The following TIMP2 variants were observed in gnomAD, a reference collection of about 807,000 sequenced individuals.
The protein encoded by TIMP2 is metalloproteinase inhibitor 2.
TIMP2 carries 5 observed loss-of-function variants against 24.3 expected under a neutral mutation model. The observed-to-expected ratio is 0.21, with a 90% CI of 0.11 to 0.43. The LOEUF (loss-of-function observed/expected upper bound fraction) is 0.43. Among genes scored for constraint, TIMP2 ranks in the 20% least tolerant of loss-of-function variants. The pLI is 1.00. For synonymous variants in TIMP2, 130 were observed against 123.2 expected (o/e 1.06, Z -0.37); for missense variants, 221 against 297.5 (o/e 0.74, Z 1.89).
chr17:78,880,322 A>C (rs1478079100), intron 1 of TIMP2, among the ~76,000 whole-genome samples: 1 of 152,118 alleles, frequency 6.6e-6, no homozygotes, highest in Non-Finnish European at 1.5e-5. Context: ...CAGAAGTACT[A>C]TGGAAGTTCC....
At chr17:78,859,000 T>C (rs2145745191) in intron 3 of TIMP2, among the ~76,000 whole-genome samples, 2 of 152,334 alleles carry the variant, frequency 1.3e-5, no homozygotes, top group East Asian at 1.9e-4. Context: ...TCTATGTGCA[T>C]CTTCACACAT....
At chr17:78,899,211 C>T (rs948170580) in intron 1 of TIMP2, 3 of 152,624 alleles carry the variant, frequency 2.0e-5, no homozygotes, top group African/African-American at 7.2e-5. Flanking sequence ...GCTCTGCCTT[C>T]CTCCCCTGCC....
intron 1 of TIMP2, among the ~76,000 whole-genome samples, chr17:78,875,258 T>C (rs2069719176): frequency 6.6e-6 from 1 of 152,018 alleles, no homozygotes; most frequent in Non-Finnish European, 1.5e-5. Flanking sequence ...AAAGGAGACA[T>C]CGGCAGGCAC....
intron 1 of TIMP2, among the ~76,000 whole-genome samples, chr17:78,914,255 CTATTCATTTATTTATTTATTTATTTATT>C (rs2070234695): frequency 1.9e-5 from 2 of 106,554 alleles, no homozygotes; most frequent in Non-Finnish European, 4.2e-5. Context: ...GAAATTTTGG[CTATTCATTTATTTATTTATTTATTTATT>C]TATTTATTTA....
rs542683740 is a variant in TIMP2, at chr17:78,893,200, GATGTGTGTGCATGT to G, written c.131-19295_131-19282del. ...ATGTGTGTGCAGGGGTGTGTGCAAG[GATGTGTGTGCATGT>G]GTGTGCAGGGGTGTGTGTGCATGTG... On this transcript the variant is annotated intron_variant, in intron 1 of 4. Transcript: ENST00000262768. Among the ~76,000 whole-genome samples the G allele has an allele frequency of 5.9e-3, 781 of 131,956 alleles. 6 individuals are homozygous for G. Among genetic ancestry groups the G allele is most frequent in the African/African-American group, 0.021 (720 of 33,900 alleles). The allele number at this position is 131,956 out of a possible 152,430, so 86.6% of individuals were successfully genotyped here.
At chr17:78,899,327 A>C (rs1219312131) in intron 1 of TIMP2, 2 of 152,490 alleles carry the variant, frequency 1.3e-5, no homozygotes, top group Non-Finnish European at 2.9e-5. Flanking sequence ...CCCGCACTGC[A>C]GCCCAGCGCT....
At position 78,896,332 on chromosome 17, in the gene TIMP2, C is replaced by T. The variant is rs1046156261; in HGVS notation, c.131-22413G>A. 6.6e-6 allele frequency among the ~76,000 whole-genome samples: 1 copy of T among 152,200 alleles called. No individual in the cohort carries two copies. The highest frequency in any genetic ancestry group is 1.5e-5 in the Non-Finnish European group (1 of 68,026). ...ACCTGTTGCACAGCCTGCTGGGATG[C>T]CTGCCTCTGCCTGTGATGCCCAGGC... is the stretch of plus-strand genomic sequence containing the variant. On this transcript the variant is annotated intron_variant, in intron 1 of 4. Transcript: ENST00000262768. This position sits in a 1 kb window ranked among gnomAD's most constrained non-coding sequence, Gnocchi z 4.4.
intron 1 of TIMP2, among the ~76,000 whole-genome samples, chr17:78,902,949 G>A (rs1294075455): frequency 6.6e-5 from 10 of 152,184 alleles, no homozygotes; most frequent in East Asian, 3.9e-4. Flanking sequence ...GGGGAGCCCC[G>A]TGGTGCAGGG....
At chr17:78,893,171 A>G (rs373246451) in intron 1 of TIMP2, among the ~76,000 whole-genome samples, 61 of 109,232 alleles carry the variant, frequency 5.6e-4, no homozygotes, top group Admixed American at 3.5e-3. Flanking sequence ...GTGTGTGTGC[A>G]TACATGTGTG....
chr17:78,913,624 C>G (rs2070227965), intron 1 of TIMP2, among the ~76,000 whole-genome samples: 1 of 152,046 alleles, frequency 6.6e-6, no homozygotes, highest in Non-Finnish European at 1.5e-5. Context: ...GGTAGGAGGA[C>G]TGCTTAAGCC....
At chr17:78,868,273 T>C (rs993970783) in intron 3 of TIMP2, among the ~76,000 whole-genome samples, 3 of 151,972 alleles carry the variant, frequency 2.0e-5, no homozygotes, top group Admixed American at 6.6e-5. Context: ...TTTTGTGAGA[T>C]GGGGTCTTGC....
chr17:78,924,913 G>T lies in TIMP2; in HGVS notation c.130+46C>A. 8.6e-7 allele frequency: 1 copy of T among 1,158,986 alleles called. No individual in the cohort carries two copies. Among genetic ancestry groups the T allele is most frequent in the Non-Finnish European group, 1.1e-6 (1 of 931,688 alleles). The allele number at this position is 1,158,986 out of a possible 1,614,324, so 71.8% of individuals were successfully genotyped here. On this transcript the variant is annotated intron_variant, in intron 1 of 4. Transcript: ENST00000262768. The surrounding 1 kb of genome is among the most constrained non-coding windows in gnomAD (Gnocchi z 5.3). ...GGCGTCTGCGAACCCTCGGGGTCGC[G>T]GGGGAGGTGGGGCCCCGCGCGGGGG...
intron 1 of TIMP2, among the ~76,000 whole-genome samples, chr17:78,882,547 G>A (rs7502935): frequency 0.26 from 39,086 of 152,214 alleles, 6,054 homozygotes; most frequent in Admixed American, 0.39. Context: ...TTGGGCTTCA[G>A]GATCACAGTA....
intron 1 of TIMP2, among the ~76,000 whole-genome samples, chr17:78,885,920 G>A (rs551544313): frequency 5.3e-5 from 8 of 152,294 alleles, no homozygotes; most frequent in African/African-American, 1.9e-4. Context: ...GCTGTGCCAA[G>A]GTGACCAAGG....
At chr17:78,911,499 C>T (rs1239734448) in intron 1 of TIMP2, among the ~76,000 whole-genome samples, 1 of 152,064 alleles carries the variant, frequency 6.6e-6, no homozygotes, top group Admixed American at 6.5e-5. Context: ...GGCGTGATCT[C>T]AGCTCACTGC....
chr17:78,890,410 C>A (rs2069869742), intron 1 of TIMP2, among the ~76,000 whole-genome samples: 1 of 152,080 alleles, frequency 6.6e-6, no homozygotes, highest in South Asian at 2.1e-4. Flanking sequence ...CCATGTTGGC[C>A]AGGCTGGTCT....
At chr17:78,895,782 C>T (rs766402701) in intron 1 of TIMP2, among the ~76,000 whole-genome samples, 3 of 152,194 alleles carry the variant, frequency 2.0e-5, no homozygotes, top group South Asian at 2.1e-4. Flanking sequence ...GTGGTGAGGT[C>T]GGGGCTGCTG....
chr17:78,922,840 G>A (rs1281647839), intron 1 of TIMP2, among the ~76,000 whole-genome samples: 6 of 152,164 alleles, frequency 3.9e-5, no homozygotes, highest in Non-Finnish European at 7.4e-5. Flanking sequence ...AGAGACACAC[G>A]AGAGAAGGCC....
At chr17:78,899,033 C>G (rs920258196) in intron 1 of TIMP2, 2 of 152,036 alleles carry the variant, frequency 1.3e-5, no homozygotes, top group African/African-American at 4.8e-5. Flanking sequence ...CCCCCGCACC[C>G]GCCAGACTCT....
Sources: allele counts gnomAD v4.1 joint callset (sites outside exome capture counted in the v4.1 genomes callset), GRCh38; gene constraint gnomAD v4.1.1; non-coding constraint Gnocchi (gnomAD v3.1); transcripts MANE v1.5; gene names NCBI Gene and HGNC (gene_info 2026-07-23, HGNC 2026-07-21).